CA8: variants seen among roughly 807,000 people sequenced by gnomAD.
The protein encoded by CA8 is carbonic anhydrase-related protein.
Under a neutral mutation model 41.4 loss-of-function variants are expected in CA8, and 22 were observed. The observed-to-expected ratio is 0.53, with a 90% CI of 0.38 to 0.76. The LOEUF (loss-of-function observed/expected upper bound fraction) is 0.76, where lower values mean the gene tolerates loss of function less well. Among genes scored for constraint, CA8 ranks in the 30% least tolerant of loss-of-function variants. The pLI is 0.00. For missense variants in CA8, 270 were observed against 352.8 expected, an observed-to-expected ratio of 0.77 and a Z score of 1.88; for synonymous variants, 121 against 130.6, an observed-to-expected ratio of 0.93 and a Z score of 0.50.
chr8:60,193,273 G>C (rs1806187916), intron 8 of CA8, among the ~76,000 whole-genome samples: 1 of 152,086 alleles, frequency 6.6e-6, no homozygotes, highest in African/African-American at 2.4e-5. Context: ...ATCATGCATT[G>C]TATCAACTTC....
At chr8:60,234,350 C>G (rs918630624) in intron 3 of CA8, among the ~76,000 whole-genome samples, 1 of 152,012 alleles carries the variant, frequency 6.6e-6, no homozygotes, top group Non-Finnish European at 1.5e-5. Flanking sequence ...GGTGAGATCC[C>G]AGAACAGAAG....
Position 60,192,643 on chromosome 8 carries a change from G to C in CA8, c.*36-2658C>G, listed in dbSNP as rs536749821. On this transcript the variant is annotated intron_variant, in intron 8 of 8. Coordinates refer to ENST00000317995, the MANE Select transcript of CA8 (RefSeq NM_004056.6). The stretch of plus-strand genomic sequence containing the variant: ...CAAAGCACTCAGAAAATGTGTGTGT[G>C]CATGCATAAATAAGTGCAACAAAAT... Among the ~76,000 whole-genome samples the C allele has an allele frequency of 9.9e-5, 15 of 152,174 alleles. 1 individual carries two copies. Among genetic ancestry groups the C allele is most frequent in the African/African-American group, 3.6e-4 (15 of 41,524 alleles).
intron 7 of CA8, among the ~76,000 whole-genome samples, chr8:60,220,413 A>T (rs769569662): frequency 1.8e-4 from 28 of 152,300 alleles, no homozygotes; most frequent in Non-Finnish European, 3.4e-4. Context: ...TGAGATCCAG[A>T]ATTTAAGCCA....
intron 3 of CA8, among the ~76,000 whole-genome samples, chr8:60,241,383 C>T (rs1021446613): frequency 7.2e-5 from 11 of 152,116 alleles, no homozygotes; most frequent in African/African-American, 2.7e-4. Context: ...GCAACTTCCC[C>T]CATGAAGACA....
intron 2 of CA8, among the ~76,000 whole-genome samples, chr8:60,275,196 A>G (rs568223229): frequency 6.6e-6 from 1 of 152,210 alleles, no homozygotes; most frequent in Non-Finnish European, 1.5e-5. Flanking sequence ...TTTCTTGATC[A>G]TGGTACTGTG....
chr8:60,231,204 C>G (rs1032997831), intron 4 of CA8, among the ~76,000 whole-genome samples: 46 of 151,950 alleles, frequency 3.0e-4, no homozygotes, highest in African/African-American at 1.1e-3. Flanking sequence ...TATATAACGC[C>G]GTTATAAAAC....
intron 2 of CA8, among the ~76,000 whole-genome samples, chr8:60,277,837 G>A (rs1804290505): frequency 6.6e-6 from 1 of 152,122 alleles, no homozygotes; most frequent in African/African-American, 2.4e-5. Context: ...AGAAATATTG[G>A]AAGGGAAAGA....
At chr8:60,247,134 C>A (rs138277516) in intron 3 of CA8, among the ~76,000 whole-genome samples, 39 of 152,116 alleles carry the variant, frequency 2.6e-4, no homozygotes, top group African/African-American at 9.2e-4. Flanking sequence ...CCGCCCATCT[C>A]GGCCTCCCAA....
intron 6 of CA8, among the ~76,000 whole-genome samples, chr8:60,224,004 G>A (rs191587828): frequency 3.3e-5 from 5 of 152,270 alleles, no homozygotes; most frequent in African/African-American, 1.2e-4. Context: ...TATAAAATTA[G>A]ATACAAAGTT....
intron 7 of CA8, among the ~76,000 whole-genome samples, chr8:60,215,625 C>T (rs890575280): frequency 5.5e-4 from 83 of 152,202 alleles, no homozygotes; most frequent in African/African-American, 2.0e-3. Flanking sequence ...GAAATATATA[C>T]TCATTCAGAT....
intron 7 of CA8, 37 bp downstream of exon 7, chr8:60,222,612 G>T: frequency 3.1e-6 from 4 of 1,282,176 alleles, no homozygotes; most frequent in Non-Finnish European, 4.6e-6. Context: ...GTTTAACTCA[G>T]AACTTCACTC....
chr8:60,211,987 T>C (rs1215593535), intron 7 of CA8, among the ~76,000 whole-genome samples: 4 of 152,230 alleles, frequency 2.6e-5, no homozygotes, highest in African/African-American at 9.6e-5. Flanking sequence ...TATATCTGAA[T>C]GTATGACTGC....
At chr8:60,250,758 A>G (rs1183087200) in intron 3 of CA8, among the ~76,000 whole-genome samples, 1 of 152,234 alleles carries the variant, frequency 6.6e-6, no homozygotes, top group Non-Finnish European at 1.5e-5. Context: ...CATTCAATAA[A>G]TATTTAGTGA....
chr8:60,249,408 T>C (rs1029141871), intron 3 of CA8, among the ~76,000 whole-genome samples: 3 of 152,186 alleles, frequency 2.0e-5, no homozygotes, highest in African/African-American at 4.8e-5. Context: ...CTAAAACCAA[T>C]GCACTCATAC....
intron 1 of CA8, among the ~76,000 whole-genome samples, 163 bp from the exon 2 acceptor site, chr8:60,280,043 T>C (rs547419049): frequency 1.3e-5 from 2 of 152,312 alleles, no homozygotes; most frequent in Admixed American, 6.5e-5. Context: ...TTTGCATTCA[T>C]TATTTGAATG....
At chr8:60,266,523 T>C (rs1046748014) in intron 2 of CA8, among the ~76,000 whole-genome samples, 1 of 152,208 alleles carries the variant, frequency 6.6e-6, no homozygotes, top group Non-Finnish European at 1.5e-5. Flanking sequence ...CTAACAAAAT[T>C]ATCCATGAAG....
intron 8 of CA8, among the ~76,000 whole-genome samples, chr8:60,203,744 G>A (rs1806498467): frequency 6.6e-6 from 1 of 151,806 alleles, no homozygotes; most frequent in South Asian, 2.1e-4. Context: ...TGTTTTTTTA[G>A]CATTTTTAGT....
intron 2 of CA8, among the ~76,000 whole-genome samples, chr8:60,273,216 C>A (rs1347814430): frequency 1.3e-5 from 2 of 152,182 alleles, no homozygotes; most frequent in Non-Finnish European, 2.9e-5. Flanking sequence ...ATGGCAACTG[C>A]ATGTTATGAC....
intron 3 of CA8, among the ~76,000 whole-genome samples, chr8:60,252,034 C>A (rs945300276): frequency 1.3e-5 from 2 of 152,098 alleles, no homozygotes; most frequent in African/African-American, 4.8e-5. Context: ...TGTAAAATAT[C>A]CATGTAATTT....
Sources: gnomAD v4.1 joint callset for allele counts (sites outside exome capture counted in the v4.1 genomes callset) on GRCh38, gnomAD v4.1.1 for gene constraint, MANE v1.5 for transcripts, NCBI Gene and HGNC (gene_info 2026-07-23, HGNC 2026-07-21) for gene names.